Variants in RALGPS2 observed in about 807,000 individuals in gnomAD.
RALGPS2 encodes the protein Ral GEF with PH domain and SH3 binding motif 2.
A neutral mutation model predicts 86.8 loss-of-function variants in RALGPS2; 43 were observed. That is an observed-to-expected ratio of 0.50 (90% CI 0.39 to 0.64). RALGPS2 has a LOEUF of 0.64. RALGPS2 is among the 30% of genes least tolerant of loss of function. The probability of loss-of-function intolerance (pLI) is 0.00; values close to 1 mark genes in which losing one functional copy is unlikely to be tolerated. For missense variants in RALGPS2, 536 were observed against 694.6 expected, an observed-to-expected ratio of 0.77 and a Z score of 2.57; for synonymous variants, 243 against 231.3, an observed-to-expected ratio of 1.05 and a Z score of -0.46.
intron 8 of RALGPS2, among the ~76,000 whole-genome samples, chr1:178,866,670 C>CCGT (rs1658431720): frequency 6.6e-6 from 1 of 151,914 alleles, no homozygotes; most frequent in Non-Finnish European, 1.5e-5. Flanking sequence ...CCTTAGAGAC[C>CCGT]CTGTCATTCA....
chr1:178,747,572 T>G, intron 1 of RALGPS2: 1 of 1,611,356 alleles, frequency 6.2e-7, no homozygotes, highest in Non-Finnish European at 8.5e-7. Flanking sequence ...GCAGCATGTG[T>G]TAGGAAGTGG....
rs183058021 is a variant in RALGPS2, at chr1:178,787,221, C to G, written c.213+1614C>G. Among the ~76,000 whole-genome samples, 23 of 151,934 alleles carry G rather than the reference C, an allele frequency of 1.5e-4. No homozygotes were observed. The East Asian group carries it at 4.2e-3, about 28-fold the overall frequency. ...TTTTGACCTAAAATTCACCTGTCTT[C>G]TTCTTAGGTGTATTTTTTCCTTTTG... is the stretch of plus-strand genomic sequence containing the variant. On this transcript the variant is annotated intron_variant, in intron 4 of 19. Transcript: ENST00000367635.
At chr1:178,865,163 G>A (rs777854572) in intron 8 of RALGPS2, 5 of 1,608,432 alleles carry the variant, frequency 3.1e-6, no homozygotes, top group Non-Finnish European at 4.3e-6. Flanking sequence ...GTCTTGTCGG[G>A]AAAATATCCT....
At chr1:178,759,791 A>G (rs906745265) in intron 1 of RALGPS2, among the ~76,000 whole-genome samples, 2 of 151,910 alleles carry the variant, frequency 1.3e-5, no homozygotes, top group Non-Finnish European at 2.9e-5. Context: ...CATTGTAGAC[A>G]TCTTTTACTT....
intron 1 of RALGPS2, among the ~76,000 whole-genome samples, chr1:178,762,683 A>G (rs886413557): frequency 6.6e-6 from 1 of 152,032 alleles, no homozygotes; most frequent in Non-Finnish European, 1.5e-5. Context: ...TCCTTTGCCC[A>G]CTTTTTAGTG....
chr1:178,865,550 A>G (rs1327439094), intron 8 of RALGPS2: 1 of 1,614,008 alleles, frequency 6.2e-7, no homozygotes, highest in Admixed American at 1.7e-5. Context: ...CATGTCTTTA[A>G]TGGTACTTGC....
At chr1:178,840,909 A>G (rs1369384308) in intron 8 of RALGPS2, among the ~76,000 whole-genome samples, 3 of 152,226 alleles carry the variant, frequency 2.0e-5, no homozygotes, top group Admixed American at 2.0e-4. Context: ...GAAGAAATGG[A>G]TAAATTCCTG....
At chr1:178,763,475 A>G (rs781482129) in intron 1 of RALGPS2, among the ~76,000 whole-genome samples, 1 of 152,258 alleles carries the variant, frequency 6.6e-6, no homozygotes, top group Non-Finnish European at 1.5e-5. Context: ...CTTCCTAGCC[A>G]TGAACATGGA....
intron 19 of RALGPS2, among the ~76,000 whole-genome samples, chr1:178,914,744 C>A (rs1660746790): frequency 6.6e-6 from 1 of 152,130 alleles, no homozygotes; most frequent in South Asian, 2.1e-4. Context: ...ATATATGCAA[C>A]ACTAATAGCA....
Position 178,781,378 on chromosome 1 carries a change from A to G in RALGPS2, c.58-3040A>G, listed in dbSNP as rs554866687. 5.9e-5 allele frequency among the ~76,000 whole-genome samples: 9 copies of G among 152,314 alleles called. No homozygotes were observed. The East Asian group carries it at 1.7e-3, about 29-fold the overall frequency. On this transcript the variant is annotated intron_variant, in intron 2 of 19. Coordinates refer to ENST00000367635, the MANE Select transcript of RALGPS2 (RefSeq NM_152663.5). ...AATGGATAAAATACTTTATCCTTTTATATTTAACTCGTGTTTGAAGTTTCC... is the reference window on the plus strand; with the variant it reads ...AATGGATAAAATACTTTATCCTTTTGTATTTAACTCGTGTTTGAAGTTTCC...
intron 4 of RALGPS2, among the ~76,000 whole-genome samples, chr1:178,803,965 A>G (rs1320128569): frequency 1.3e-5 from 2 of 152,112 alleles, no homozygotes; most frequent in Admixed American, 1.3e-4. Context: ...TATCGTATCC[A>G]TATCCACTGA....
chr1:178,848,978 G>A (rs1166230396), intron 8 of RALGPS2, among the ~76,000 whole-genome samples: 1 of 152,118 alleles, frequency 6.6e-6, no homozygotes, highest in Admixed American at 6.5e-5. Context: ...TCTATGCAAG[G>A]TGCTATGATT....
chr1:178,771,844 AT>A (rs1218042604), intron 1 of RALGPS2, among the ~76,000 whole-genome samples: 1 of 152,084 alleles, frequency 6.6e-6, no homozygotes, highest in Non-Finnish European at 1.5e-5. Context: ...TATTATAAAT[AT>A]TTTTTTCATG....
intron 7 of RALGPS2, among the ~76,000 whole-genome samples, chr1:178,823,468 A>G (rs1189981809): frequency 6.6e-6 from 1 of 152,260 alleles, no homozygotes; most frequent in African/African-American, 2.4e-5. Flanking sequence ...GTAGAAAGGA[A>G]GGCAGGACAG....
intron 18 of RALGPS2, among the ~76,000 whole-genome samples, chr1:178,905,493 G>A (rs1660355233): frequency 6.6e-6 from 1 of 152,184 alleles, no homozygotes; most frequent in African/African-American, 2.4e-5. Flanking sequence ...AAGTGTAACG[G>A]TGTTACTTGA....
At chr1:178,745,653 AAGAC>A (rs1651274335) in intron 1 of RALGPS2, among the ~76,000 whole-genome samples, 1 of 152,172 alleles carries the variant, frequency 6.6e-6, no homozygotes, top group Non-Finnish European at 1.5e-5. Flanking sequence ...CTAAATGGTC[AAGAC>A]TTAAATTACA....
rs1473283303 is a variant in RALGPS2 at position 178,917,049 on chromosome 1, G to A, written c.*690G>A. 1.3e-5 allele frequency: 2 copies of A among 152,096 alleles called. No individual in the cohort carries two copies. The highest frequency in any genetic ancestry group is 4.8e-5 in the African/African-American group (2 of 41,402). The allele number at this position is 152,096 out of a possible 1,614,324, so 9.4% of individuals were successfully genotyped here. ...AACTTCTGAAATGTAGTACTGTAAG[G>A]GGAACATTATTTCCTGCAGGAGGTA... is the stretch of plus-strand genomic sequence containing the variant. On this transcript the variant is annotated 3_prime_UTR_variant, in exon 20 of 20. Coordinates refer to ENST00000367635, the MANE Select transcript of RALGPS2 (RefSeq NM_152663.5).
chr1:178,740,942 G>A (rs1650987008), intron 1 of RALGPS2, among the ~76,000 whole-genome samples: 1 of 152,174 alleles, frequency 6.6e-6, no homozygotes, highest in Admixed American at 6.5e-5. Flanking sequence ...TTCTCACTGG[G>A]TTGATGTGAG....
Position 178,784,443 on chromosome 1 carries a change from G to T in RALGPS2, c.83G>T (p.Ser28Ile), listed in dbSNP as rs529516438. The change falls in exon 3 of 20, where the codon AGT (serine) becomes ATT (isoleucine). Residue 28 changes from serine (S) to isoleucine (I), a missense_variant. Physicochemically the swap from Ser to Ile is moderately radical, Grantham distance 142 (BLOSUM62 -2). Around this residue, in one of 3 missense-constraint regions of RALGPS2, gnomAD observed 43 missense variants for 34.9 expected, o/e 1.23. Coordinates refer to ENST00000367635, the MANE Select transcript of RALGPS2 (RefSeq NM_152663.5). ...AAAAGTAGCAGCTCTGAATCCTTAA[G>T]TGACAAAGGCTCTGAATTGAAGAAA... is the stretch of plus-strand genomic sequence containing the variant. ...SEKSSSSESLSDKGSELKKSF... is the reference protein window; with the variant it reads ...SEKSSSSESLIDKGSELKKSF... 3.7e-6 allele frequency: 6 copies of T among 1,604,614 alleles called. No individual in the cohort carries two copies. The highest frequency in any genetic ancestry group is 5.1e-6 in the Non-Finnish European group (6 of 1,174,030).
Sources: gnomAD v4.1 joint callset for allele counts (sites outside exome capture counted in the v4.1 genomes callset) on GRCh38, gnomAD v4.1.1 for gene constraint, gnomAD v4.1.1 regional missense constraint, MANE v1.5 for transcripts, NCBI Gene and HGNC (gene_info 2026-07-23, HGNC 2026-07-21) for gene names.